Variants in CACNB2 observed in about 807,000 individuals in gnomAD.
CACNB2 encodes the protein voltage-dependent L-type calcium channel subunit beta-2.
Under a neutral mutation model 73.3 loss-of-function variants are expected in CACNB2, and 42 were observed. The observed-to-expected ratio is 0.57, with a 90% confidence interval of 0.45 to 0.74. CACNB2 has a LOEUF of 0.74. CACNB2 is among the 30% of genes least tolerant of loss of function. The pLI is 0.00. For missense variants in CACNB2, 940 were observed against 853.0 expected, an observed-to-expected ratio of 1.10 and a Z score of -1.27; for synonymous variants, 348 against 310.3, an observed-to-expected ratio of 1.12 and a Z score of -1.28.
chr10:18,146,803 A>G (rs999178471), intron 1 of CACNB2, among the ~76,000 whole-genome samples: 1 of 152,130 alleles, frequency 6.6e-6, no homozygotes, highest in Non-Finnish European at 1.5e-5. Context: ...TGTATTTTTT[A>G]GTAGAAACAG....
At chr10:18,516,783 A>T (rs2051324828) in intron 7 of CACNB2, among the ~76,000 whole-genome samples, 1 of 151,450 alleles carries the variant, frequency 6.6e-6, no homozygotes, top group Non-Finnish European at 1.5e-5. Context: ...CTTGTGTGGT[A>T]CGTGTGCTGT....
At chr10:18,401,178 A>T (rs1275440166) in intron 2 of CACNB2, 1 of 1,556,318 alleles carries the variant, frequency 6.4e-7, no homozygotes, top group Non-Finnish European at 8.8e-7. Context: ...GTGCAGGTAG[A>T]GAGGGTGGTT....
chr10:18,422,545 T>A (rs559029324), intron 3 of CACNB2, among the ~76,000 whole-genome samples: 1 of 152,294 alleles, frequency 6.6e-6, no homozygotes, highest in Admixed American at 6.5e-5. Flanking sequence ...CAACTTTCCA[T>A]CTCTCCTCAC....
chr10:18,470,126 C>G (rs1245318351), intron 3 of CACNB2, among the ~76,000 whole-genome samples: 1 of 151,338 alleles, frequency 6.6e-6, no homozygotes, highest in Non-Finnish European at 1.5e-5. Flanking sequence ...GCGTTTTCAT[C>G]TCTATTTAAG....
intron 2 of CACNB2, among the ~76,000 whole-genome samples, chr10:18,167,913 G>C (rs1023012539): frequency 6.6e-6 from 1 of 152,136 alleles, no homozygotes; most frequent in Non-Finnish European, 1.5e-5. Flanking sequence ...AAGCTTCTCA[G>C]TAAGTTCCCC....
chr10:18,268,284 T>A (rs2037900267), intron 2 of CACNB2, among the ~76,000 whole-genome samples: 1 of 152,248 alleles, frequency 6.6e-6, no homozygotes, highest in African/African-American at 2.4e-5. Flanking sequence ...TACAGAGGAA[T>A]TGAACCTTTC....
chr10:18,159,025 C>T (rs550049818), intron 2 of CACNB2, among the ~76,000 whole-genome samples: 1 of 152,272 alleles, frequency 6.6e-6, no homozygotes, highest in African/African-American at 2.4e-5. Context: ...CTCATTCTCT[C>T]TCTTCCTCCC....
At chr10:18,449,512 G>A (rs2046912638) in intron 3 of CACNB2, among the ~76,000 whole-genome samples, 1 of 152,242 alleles carries the variant, frequency 6.6e-6, no homozygotes, top group African/African-American at 2.4e-5. Context: ...GACAGAGTCA[G>A]AGGGGGTTTG....
intron 3 of CACNB2, among the ~76,000 whole-genome samples, chr10:18,423,394 T>C (rs1360436472): frequency 6.6e-6 from 1 of 152,196 alleles, no homozygotes; most frequent in Non-Finnish European, 1.5e-5. Context: ...GAAGATATAG[T>C]AGGAGGTGGT....
At chr10:18,267,869 G>T (rs938049369) in intron 2 of CACNB2, among the ~76,000 whole-genome samples, 1 of 152,120 alleles carries the variant, frequency 6.6e-6, no homozygotes, top group African/African-American at 2.4e-5. Flanking sequence ...CCGGGGCAGC[G>T]GCCCAGCCTT....
At chr10:18,516,964 C>T (rs548499565) in intron 7 of CACNB2, among the ~76,000 whole-genome samples, 4 of 152,010 alleles carry the variant, frequency 2.6e-5, no homozygotes, top group Non-Finnish European at 5.9e-5. Context: ...TCTGTGACTA[C>T]GGGTAAAATC....
At chr10:18,275,993 G>A (rs9633646) in intron 2 of CACNB2, among the ~76,000 whole-genome samples, 94,339 of 152,018 alleles carry the variant, frequency 0.62, 29,669 homozygotes, top group East Asian at 0.91. Context: ...TTCTGGTTCA[G>A]CTTTTCTTTA....
At chr10:18,181,606 T>C (rs1017714576) in intron 2 of CACNB2, among the ~76,000 whole-genome samples, 39 of 147,236 alleles carry the variant, frequency 2.6e-4, no homozygotes, top group Non-Finnish European at 4.9e-4. Context: ...TATTTTATTT[T>C]ATTTTATTTT....
chr10:18,193,683 G>A (rs976282010), intron 2 of CACNB2, among the ~76,000 whole-genome samples: 3 of 152,158 alleles, frequency 2.0e-5, no homozygotes, highest in African/African-American at 7.2e-5. Flanking sequence ...CTTGAAGATG[G>A]AGTGAGCTGG....
At chr10:18,402,211 G>A (rs1482192906) in intron 3 of CACNB2, among the ~76,000 whole-genome samples, 168 bp downstream of exon 3, 1 of 152,140 alleles carries the variant, frequency 6.6e-6, no homozygotes, top group East Asian at 1.9e-4. Flanking sequence ...GGTAGAAAAA[G>A]GAAGTGTGGT....
At chr10:18,486,400 A>G (rs1329590346) in intron 3 of CACNB2, among the ~76,000 whole-genome samples, 2 of 152,218 alleles carry the variant, frequency 1.3e-5, no homozygotes, top group East Asian at 1.9e-4. Context: ...ATCTCCTCCT[A>G]TAATAATTGG....
chr10:18,382,111 T>C (rs1231673399), intron 2 of CACNB2, among the ~76,000 whole-genome samples: 1 of 152,006 alleles, frequency 6.6e-6, no homozygotes, highest in Non-Finnish European at 1.5e-5. Flanking sequence ...TCATGTGTGT[T>C]TTTCACCTCA....
chr10:18,377,284 A>G (rs577053278), intron 2 of CACNB2, among the ~76,000 whole-genome samples: 2 of 152,324 alleles, frequency 1.3e-5, no homozygotes, highest in East Asian at 3.9e-4. Flanking sequence ...TAGAAAGAAG[A>G]ATTGGAGTAA....
chr10:18,527,825 G>A (rs1240068705), intron 10 of CACNB2, 128 bp downstream of exon 10: 50 of 709,560 alleles, frequency 7.0e-5, no homozygotes, highest in South Asian at 6.7e-4. Context: ...GCTGCCAGTC[G>A]CTGTTGCTAT....
Sources: gnomAD v4.1 joint callset for allele counts (sites outside exome capture counted in the v4.1 genomes callset) on GRCh38, gnomAD v4.1.1 for gene constraint, MANE v1.5 for transcripts, NCBI Gene and HGNC (gene_info 2026-07-23, HGNC 2026-07-21) for gene names.